Variants in HS3ST4 observed in about 807,000 individuals in gnomAD.
The protein encoded by HS3ST4 is heparan sulfate glucosamine 3-O-sulfotransferase 4.
In HS3ST4, 17 loss-of-function variants were observed where a neutral mutation model predicts 29.2. The observed-to-expected ratio is 0.58, with a 90% CI of 0.40 to 0.87. HS3ST4 has a LOEUF of 0.87. Ranked by LOEUF, HS3ST4 falls within the 40% of genes least tolerant of loss-of-function variation. The pLI, the probability that HS3ST4 is intolerant of heterozygous loss-of-function variation, is 0.00. For missense variants in HS3ST4, 627 were observed against 634.5 expected (o/e 0.99, Z 0.13); for synonymous variants, 314 against 285.7 (o/e 1.10, Z -1.00).
chr16:25,906,364 G>T lies in HS3ST4; in HGVS notation c.734+213213G>T, dbSNP rs529190998. Among the ~76,000 whole-genome samples, 641 of 152,128 alleles carry T rather than the reference G, an allele frequency of 4.2e-3. 2 individuals are homozygous for T. The highest frequency in any genetic ancestry group is 0.02 in the Middle Eastern group (6 of 294). On this transcript the variant is annotated intron_variant, in intron 1 of 1. Coordinates refer to ENST00000331351, the MANE Select transcript of HS3ST4 (RefSeq NM_006040.3). ...TTTTTATTCTTACCCTATGTATCTA[G>T]AATACAAAATGAATAAGAAATTCTA...
intron 1 of HS3ST4, among the ~76,000 whole-genome samples, chr16:26,077,651 A>G (rs1898677998): frequency 6.6e-6 from 1 of 152,250 alleles, no homozygotes; most frequent in Non-Finnish European, 1.5e-5. Flanking sequence ...TCCAGTTCCC[A>G]GGCTAATGGT....
intron 1 of HS3ST4, among the ~76,000 whole-genome samples, chr16:25,735,095 T>A (rs1192704992): frequency 6.6e-6 from 1 of 152,212 alleles, no homozygotes; most frequent in Non-Finnish European, 1.5e-5. Flanking sequence ...AGCCCCTTGC[T>A]CTCTAACAGA....
At chr16:25,947,421 T>C (rs2141695185) in intron 1 of HS3ST4, among the ~76,000 whole-genome samples, 1 of 152,322 alleles carries the variant, frequency 6.6e-6, no homozygotes, top group East Asian at 1.9e-4. Flanking sequence ...ACAACAAGCA[T>C]TCATTTTTCT....
At chr16:25,942,230 A>G (rs1447428875) in intron 1 of HS3ST4, among the ~76,000 whole-genome samples, 1 of 152,184 alleles carries the variant, frequency 6.6e-6, no homozygotes, top group Non-Finnish European at 1.5e-5. Flanking sequence ...AGGAGAAACA[A>G]GAGATGATGG....
intron 1 of HS3ST4, among the ~76,000 whole-genome samples, chr16:25,750,673 A>G (rs925706918): frequency 1.3e-5 from 2 of 152,002 alleles, no homozygotes; most frequent in Admixed American, 1.3e-4. Context: ...CACTTATGCA[A>G]TTTCTCTCCC....
At chr16:25,817,412 G>A (rs72778989) in intron 1 of HS3ST4, among the ~76,000 whole-genome samples, 13,090 of 152,258 alleles carry the variant, frequency 0.086, 804 homozygotes, top group Non-Finnish European at 0.13. Context: ...ACCTCGTTGC[G>A]GCTACTTAAC....
At chr16:26,098,299 C>T (rs1382481171) in intron 1 of HS3ST4, among the ~76,000 whole-genome samples, 1 of 152,066 alleles carries the variant, frequency 6.6e-6, no homozygotes, top group Non-Finnish European at 1.5e-5. Context: ...GTTTATTTTG[C>T]CACTATTCAC....
chr16:25,964,920 G>A lies in HS3ST4; in HGVS notation c.735-170692G>A, dbSNP rs190368434. ...ATTTTACTGAACTGGTTACTTAGCCGTTTATTCATTTCATCCCATTTATTC... is the reference window on the plus strand; with the variant it reads ...ATTTTACTGAACTGGTTACTTAGCCATTTATTCATTTCATCCCATTTATTC... On this transcript the variant is annotated intron_variant, in intron 1 of 1. Transcript: ENST00000331351. 1.7e-3 allele frequency among the ~76,000 whole-genome samples: 254 copies of A among 152,036 alleles called. 2 individuals carry two copies. The highest frequency in any genetic ancestry group is 5.5e-3 in the African/African-American group (228 of 41,454).
intron 1 of HS3ST4, among the ~76,000 whole-genome samples, chr16:25,737,150 T>A (rs1966615205): frequency 6.6e-6 from 1 of 152,170 alleles, no homozygotes; most frequent in Non-Finnish European, 1.5e-5. Context: ...CACCATTGAA[T>A]ACTACACAGC....
chr16:25,769,757 G>A (rs1966839585), intron 1 of HS3ST4, among the ~76,000 whole-genome samples: 1 of 152,200 alleles, frequency 6.6e-6, no homozygotes. Context: ...TCCGCTCCTA[G>A]ATAATGAACG....
chr16:25,961,445 CAT>C (rs967906405), intron 1 of HS3ST4, among the ~76,000 whole-genome samples: 2 of 152,216 alleles, frequency 1.3e-5, no homozygotes, highest in Non-Finnish European at 2.9e-5. Context: ...GATTCACACT[CAT>C]GTGATTTATT....
At chr16:25,809,203 CACT>C (rs962881584) in intron 1 of HS3ST4, among the ~76,000 whole-genome samples, 1 of 152,048 alleles carries the variant, frequency 6.6e-6, no homozygotes, top group African/African-American at 2.4e-5. Context: ...AGTTTTTCAC[CACT>C]AAGTATGATG....
chr16:26,117,850 A>G (rs1899220196), intron 1 of HS3ST4, among the ~76,000 whole-genome samples: 1 of 152,238 alleles, frequency 6.6e-6, no homozygotes, highest in Non-Finnish European at 1.5e-5. Context: ...TGTTGTAGGT[A>G]ATATGGATAC....
intron 1 of HS3ST4, among the ~76,000 whole-genome samples, chr16:25,840,120 TCA>T (rs1295402562): frequency 6.6e-6 from 1 of 152,186 alleles, no homozygotes; most frequent in Non-Finnish European, 1.5e-5. Flanking sequence ...GCACCCTTGA[TCA>T]ACAGTATATC....
chr16:26,117,740 G>T (rs1476690639), intron 1 of HS3ST4, among the ~76,000 whole-genome samples: 1 of 152,238 alleles, frequency 6.6e-6, no homozygotes, highest in East Asian at 1.9e-4. Context: ...TACAAAGTGA[G>T]TGTGTATGCT....
chr16:26,013,364 A>G (rs770671849), intron 1 of HS3ST4, among the ~76,000 whole-genome samples: 2 of 152,132 alleles, frequency 1.3e-5, no homozygotes, highest in Non-Finnish European at 2.9e-5. Context: ...TTTCCTCATC[A>G]TCTATAAAAA....
At position 25,839,306 on chromosome 16, in the gene HS3ST4, AAAGG is replaced by A. The variant is rs569855815; in HGVS notation, c.734+146159_734+146162del. On this transcript the variant is annotated intron_variant, in intron 1 of 1. Coordinates refer to ENST00000331351, the MANE Select transcript of HS3ST4 (RefSeq NM_006040.3). ...ATGAAGAAAGCAAAGGAAATCTCAC[AAAGG>A]AAGACTTGGCTGTCTTGCTGGTGAC... 7.9e-5 allele frequency among the ~76,000 whole-genome samples: 12 copies of A among 152,348 alleles called. No individual in the cohort carries two copies. In the South Asian group the frequency reaches 2.5e-3, roughly 32 times the overall value.
chr16:25,930,937 C>G (rs1232662240), intron 1 of HS3ST4, among the ~76,000 whole-genome samples: 1 of 152,000 alleles, frequency 6.6e-6, no homozygotes, highest in African/African-American at 2.4e-5. Context: ...AAAAACTCAG[C>G]TAATTTTTGT....
At chr16:25,929,484 C>T (rs1451054574) in intron 1 of HS3ST4, among the ~76,000 whole-genome samples, 2 of 152,192 alleles carry the variant, frequency 1.3e-5, no homozygotes, top group African/African-American at 4.8e-5. Flanking sequence ...AATCACACAT[C>T]GCATCCCACT....
Sources: gnomAD v4.1 joint callset for allele counts (sites outside exome capture counted in the v4.1 genomes callset) on GRCh38, gnomAD v4.1.1 for gene constraint, MANE v1.5 for transcripts, NCBI Gene and HGNC (gene_info 2026-07-23, HGNC 2026-07-21) for gene names.